NPFFR2: variants seen among roughly 807,000 people sequenced by gnomAD.
NPFFR2 encodes neuropeptide FF receptor 2.
In NPFFR2, 15 loss-of-function variants were observed where a neutral mutation model predicts 13.1. That is an observed-to-expected ratio of 1.15 (90% CI 0.77 to 1.76). NPFFR2 has a LOEUF of 1.76. Among genes scored for constraint, NPFFR2 ranks in the 40% most tolerant of loss-of-function variants. The pLI is 0.00. For synonymous variants in NPFFR2, 190 were observed against 175.7 expected (o/e 1.08, Z -0.65); for missense variants, 572 against 503.5 (o/e 1.14, Z -1.30).
chr4:72,136,949 A>G (rs892051684), intron 2 of NPFFR2, among the ~76,000 whole-genome samples: 1 of 152,214 alleles, frequency 6.6e-6, no homozygotes, highest in Non-Finnish European at 1.5e-5. Context: ...CTATCATTTC[A>G]GTGGAATTGT....
At chr4:72,120,900 T>A (rs1721852720) in intron 1 of NPFFR2, among the ~76,000 whole-genome samples, 1 of 151,940 alleles carries the variant, frequency 6.6e-6, no homozygotes, top group South Asian at 2.1e-4. Context: ...GAGAATGAGT[T>A]TGACAAATTG....
intron 1 of NPFFR2, among the ~76,000 whole-genome samples, chr4:72,125,125 A>G (rs891610663): frequency 6.6e-6 from 1 of 152,254 alleles, no homozygotes; most frequent in African/African-American, 2.4e-5. Context: ...GGATACGAAC[A>G]GACACTTCTC....
rs543055490 is a variant in NPFFR2 at position 72,032,521 on chromosome 4, T to C, written c.-8+321T>C. Among the ~76,000 whole-genome samples, 447 of 152,306 alleles carry C rather than the reference T, an allele frequency of 2.9e-3. 5 individuals carry two copies. Among genetic ancestry groups the C allele is most frequent in the Non-Finnish European group, 5.2e-3 (352 of 68,024 alleles). ...GGGGCTGTATTGTGTTGTAACTTTG[T>C]TGAATTTCCTTAGCGGGTCTGAAGC... is the stretch of plus-strand genomic sequence containing the variant. On this transcript the variant is annotated intron_variant, in intron 1 of 3. Transcript: ENST00000308744.
At chr4:72,101,979 G>A (rs1721263823) in intron 1 of NPFFR2, among the ~76,000 whole-genome samples, 1 of 152,054 alleles carries the variant, frequency 6.6e-6, no homozygotes, top group Non-Finnish European at 1.5e-5. Flanking sequence ...AAAGCCACAG[G>A]ATATGCAGCA....
intron 1 of NPFFR2, among the ~76,000 whole-genome samples, chr4:72,093,963 T>C (rs528021635): frequency 6.6e-6 from 1 of 152,188 alleles, no homozygotes; most frequent in Non-Finnish European, 1.5e-5. Context: ...GGGCAGACTA[T>C]GTTAGAGGGC....
chr4:72,084,759 C>T (rs576048392), intron 1 of NPFFR2, among the ~76,000 whole-genome samples: 15 of 152,192 alleles, frequency 9.9e-5, no homozygotes, highest in African/African-American at 3.4e-4. Context: ...ACACTGAATG[C>T]CTTAAGGGTG....
intron 1 of NPFFR2, chr4:72,039,354 G>A (rs576132254): frequency 2.0e-5 from 20 of 983,602 alleles, no homozygotes; most frequent in African/African-American, 1.0e-4. Context: ...CACCGCGCCC[G>A]GCCAATTTCC....
chr4:72,061,034 G>C (rs534753283), intron 1 of NPFFR2, among the ~76,000 whole-genome samples: 2 of 152,232 alleles, frequency 1.3e-5, no homozygotes, highest in South Asian at 4.1e-4. Flanking sequence ...GCTCACAAAA[G>C]CATTAGAAAT....
intron 1 of NPFFR2, among the ~76,000 whole-genome samples, chr4:72,053,758 CTGTA>C (rs1189617264): frequency 6.6e-6 from 1 of 151,738 alleles, no homozygotes; most frequent in Admixed American, 6.6e-5. Flanking sequence ...TCTTTCTGAT[CTGTA>C]TGTCTTTTAT....
chr4:72,109,789 G>A (rs1190985506), intron 1 of NPFFR2, among the ~76,000 whole-genome samples: 4 of 151,884 alleles, frequency 2.6e-5, no homozygotes, highest in African/African-American at 9.7e-5. Context: ...AAAAGTCTTT[G>A]AACTGCTTTC....
At chr4:72,087,212 A>G (rs945582649) in intron 1 of NPFFR2, among the ~76,000 whole-genome samples, 1 of 152,036 alleles carries the variant, frequency 6.6e-6, no homozygotes, top group African/African-American at 2.4e-5. Flanking sequence ...AAGCACTGAA[A>G]AATCTGGGTT....
chr4:72,147,281 T>G lies in NPFFR2; in HGVS notation c.732T>G (p.Ile244Met). 6.2e-7 allele frequency: 1 copy of G among 1,614,120 alleles called. No individual in the cohort carries two copies. The highest frequency in any genetic ancestry group is 8.5e-7 in the Non-Finnish European group (1 of 1,180,026). Residue 244 changes from isoleucine (I) to methionine (M), a missense_variant, in exon 4 of 4, where the codon ATT becomes ATG. Physicochemically the swap from Ile to Met is conservative, Grantham distance 10. Coordinates refer to ENST00000308744, the MANE Select transcript of NPFFR2 (RefSeq NM_004885.3). ...LIVIMYGRIG[I>M]SLFRAAVPHT... ...TCATCATGTATGGAAGGATTGGAAT[T>G]TCACTCTTCAGGGCTGCAGTTCCTC...
chr4:72,104,194 C>G (rs563505650), intron 1 of NPFFR2, among the ~76,000 whole-genome samples: 1 of 152,182 alleles, frequency 6.6e-6, no homozygotes, highest in African/African-American at 2.4e-5. Context: ...AAAGAACATT[C>G]TTTCACAAGA....
chr4:72,094,305 C>T (rs1048848572), intron 1 of NPFFR2, among the ~76,000 whole-genome samples: 4 of 152,122 alleles, frequency 2.6e-5, no homozygotes, highest in African/African-American at 7.2e-5. Flanking sequence ...ATTTTGTGTT[C>T]GTTGGCCTCA....
At chr4:72,033,310 T>C (rs1718972219) in intron 1 of NPFFR2, among the ~76,000 whole-genome samples, 1 of 152,186 alleles carries the variant, frequency 6.6e-6, no homozygotes, top group East Asian at 1.9e-4. Flanking sequence ...CAGAGTTCAA[T>C]TAGAGTCTTT....
At chr4:72,091,183 C>G (rs368469666) in intron 1 of NPFFR2, among the ~76,000 whole-genome samples, 46 of 152,136 alleles carry the variant, frequency 3.0e-4, no homozygotes, top group African/African-American at 1.1e-3. Flanking sequence ...GGTCTGAAAC[C>G]CACTTGATCA....
chr4:72,128,874 G>A lies in NPFFR2; in HGVS notation c.283G>A (p.Gly95Ser), dbSNP rs2109834869. The change falls in exon 2 of 4, where the codon GGC becomes AGC. Residue 95 changes from glycine to serine, a missense_variant. Transcript: ENST00000308744. Reference sequence around the variant, plus strand: ...CCTGGCCATAAGTGATTTACTAGTTGGCATATTCTGCATGCCTATAACACT... The same window carrying A: ...CCTGGCCATAAGTGATTTACTAGTTAGCATATTCTGCATGCCTATAACACT... Reference protein sequence around the residue: ...LNLAISDLLVGIFCMPITLLD... With the variant: ...LNLAISDLLVSIFCMPITLLD... The A allele has an allele frequency of 6.2e-7, 1 of 1,613,882 alleles. No individual in the cohort carries two copies. The highest frequency in any genetic ancestry group is 2.2e-5 in the East Asian group (1 of 44,852).
intron 1 of NPFFR2, among the ~76,000 whole-genome samples, chr4:72,097,497 A>C (rs530595497): frequency 1.6e-4 from 25 of 152,256 alleles, no homozygotes; most frequent in Non-Finnish European, 3.4e-4. Flanking sequence ...GAGTTTAATA[A>C]AATTGGTCTG....
intron 1 of NPFFR2, among the ~76,000 whole-genome samples, chr4:72,070,560 TGGGGGGGGGGG>T (rs748172308): frequency 3.0e-3 from 31 of 10,392 alleles, no homozygotes; most frequent in African/African-American, 5.9e-3. Context: ...TGTGTGTGTG[TGGGGGGGGGGG>T]GTGGGGCTCT....
Sources: allele counts gnomAD v4.1 joint callset (sites outside exome capture counted in the v4.1 genomes callset), GRCh38; gene constraint gnomAD v4.1.1; transcripts MANE v1.5; gene names NCBI Gene and HGNC (gene_info 2026-07-23, HGNC 2026-07-21).